PTPRH: variants seen among roughly 807,000 people sequenced by gnomAD.
PTPRH encodes receptor-type tyrosine-protein phosphatase H.
A neutral mutation model predicts 130.2 loss-of-function variants in PTPRH; 113 were observed. The ratio of observed to expected loss-of-function variants is 0.87; its 90% CI spans 0.75 to 1.01. The LOEUF (loss-of-function observed/expected upper bound fraction) is 1.01. Among genes scored for constraint, PTPRH ranks in the 50% least tolerant of loss-of-function variants. The pLI is 0.00. For synonymous variants in PTPRH, 556 were observed against 577.9 expected (o/e 0.96, Z 0.54); for missense variants, 1,430 against 1,425.0 (o/e 1.00, Z -0.06).
At position 55,185,582 on chromosome 19, in the gene PTPRH, G is replaced by T; in HGVS notation, c.2982C>A (p.Asp994Glu). The T allele has an allele frequency of 1.2e-6, 2 of 1,614,240 alleles. No individual in the cohort carries two copies. Among genetic ancestry groups the T allele is most frequent in the Non-Finnish European group, 1.7e-6 (2 of 1,180,036 alleles). ...WPDHGVPSSP[D>E]TLLAFWRMLR... is the part of the protein sequence containing the mutation. Reference sequence around the variant, plus strand: ...GCATCCTCCAGAAAGCCAGCAAGGTGTCTGGGGAGGAGGGAACGCCGTGAT... The same window carrying T: ...GCATCCTCCAGAAAGCCAGCAAGGTTTCTGGGGAGGAGGGAACGCCGTGAT... The change falls in exon 18 of 20, where the codon GAC (aspartate) becomes GAA (glutamate). Residue 994 changes from aspartate (D) to glutamate (E), a missense_variant. Asp to Glu is a conservative substitution (Grantham distance 45). Coordinates refer to ENST00000376350, the MANE Select transcript of PTPRH (RefSeq NM_002842.5).
chr19:55,185,445 G>A (rs758272235), intron 18 of PTPRH, 57 bp downstream of exon 18: 24 of 1,587,894 alleles, frequency 1.5e-5, no homozygotes, highest in Non-Finnish European at 2.1e-5. Flanking sequence ...TAACACAACT[G>A]TCTGAGCCCC....
rs200823688 is a variant in PTPRH at position 55,188,038 on chromosome 19, C to T, written c.2475+40G>A. On this transcript the variant is annotated intron_variant, in intron 13 of 19. Transcript: ENST00000376350. Reference sequence around the variant, plus strand: ...GGTGGGGGGTGGGGGTCTGGGCCACCGGAGGGAGACTGAGCTCAGCCCCTC... The same window carrying T: ...GGTGGGGGGTGGGGGTCTGGGCCACTGGAGGGAGACTGAGCTCAGCCCCTC... 1.4e-5 allele frequency: 21 copies of T among 1,551,602 alleles called. No individual in the cohort carries two copies. The East Asian group carries it at 2.7e-4, about 20-fold the overall frequency.
rs748912325 is a variant in PTPRH, at chr19:55,206,942, C to T, written c.99G>A (p.Gly33=). 7 of 1,598,712 alleles carry T rather than the reference C, an allele frequency of 4.4e-6. No individual in the cohort carries two copies. In the South Asian group the frequency reaches 7.8e-5, roughly 18 times the overall value. The change falls in exon 3 of 20, where the codon GGG becomes GGA. Residue 33 remains glycine, a synonymous_variant. Coordinates refer to ENST00000376350, the MANE Select transcript of PTPRH (RefSeq NM_002842.5). ...TGARAPAPNP[G]RNLTVETQTT... is the part of the protein sequence containing the mutation. ...TCTGAGTCTCCACTGTCAGGTTCCT[C>T]CCTGGGTTGGGGGCTGAGAATTGGG...
chr19:55,189,047 G>A (rs2086448782), intron 12 of PTPRH, among the ~76,000 whole-genome samples: 1 of 152,168 alleles, frequency 6.6e-6, no homozygotes, highest in African/African-American at 2.4e-5. Context: ...GTGCAGTGGT[G>A]TGATCTCAGC....
intron 12 of PTPRH, among the ~76,000 whole-genome samples, chr19:55,188,958 GC>G (rs2086446198): frequency 6.6e-6 from 1 of 152,114 alleles, no homozygotes; most frequent in African/African-American, 2.4e-5. Flanking sequence ...ACAGGGTTTG[GC>G]CCATTCCTGT....
At chr19:55,183,557 C>T (rs1399645518) in intron 18 of PTPRH, among the ~76,000 whole-genome samples, 2 of 151,940 alleles carry the variant, frequency 1.3e-5, no homozygotes, top group African/African-American at 2.4e-5. Context: ...AACCTCATCT[C>T]CACTAAAAAT....
intron 10 of PTPRH, among the ~76,000 whole-genome samples, chr19:55,193,370 G>A (rs1197900231): frequency 2.3e-5 from 3 of 130,344 alleles, no homozygotes; most frequent in Non-Finnish European, 4.9e-5. Context: ...GGTGGAGGCT[G>A]TGGTGGGCAT....
intron 10 of PTPRH, chr19:55,194,168 G>A: frequency 7.8e-7 from 1 of 1,288,794 alleles, no homozygotes; most frequent in East Asian, 5.6e-5. Context: ...GGTGTCTATG[G>A]GTGCTCTCAG....
chr19:55,187,343 T>G (rs1347835334), intron 14 of PTPRH, among the ~76,000 whole-genome samples, 170 bp downstream of exon 14: 1 of 28,128 alleles, frequency 3.6e-5, no homozygotes, highest in Non-Finnish European at 5.0e-5. Flanking sequence ...AGACTCCGTC[T>G]CAAAAAAAAA....
chr19:55,199,290 G>A (rs545731124), intron 7 of PTPRH, among the ~76,000 whole-genome samples: 58 of 150,662 alleles, frequency 3.8e-4, no homozygotes, highest in African/African-American at 1.4e-3. Context: ...CTGGGAGACA[G>A]AGCAGGACCG....
chr19:55,185,571 G>C lies in PTPRH; in HGVS notation c.2993C>G (p.Ala998Gly). 6.2e-7 allele frequency: 1 copy of C among 1,614,216 alleles called. No individual in the cohort carries two copies. Among genetic ancestry groups the C allele is most frequent in the East Asian group, 2.2e-5 (1 of 44,886 alleles). ...GVPSSPDTLL[A>G]FWRMLRQWLD... Reference sequence around the variant, plus strand: ...CCACTGCCGAAGCATCCTCCAGAAAGCCAGCAAGGTGTCTGGGGAGGAGGG... The same window carrying C: ...CCACTGCCGAAGCATCCTCCAGAAACCCAGCAAGGTGTCTGGGGAGGAGGG... Residue 998 changes from alanine to glycine, a missense_variant, in exon 18 of 20, where the codon GCT (alanine) becomes GGT (glycine). Coordinates refer to ENST00000376350, the MANE Select transcript of PTPRH (RefSeq NM_002842.5).
At chr19:55,190,111 C>T (rs1030407827) in intron 12 of PTPRH, among the ~76,000 whole-genome samples, 4 of 151,960 alleles carry the variant, frequency 2.6e-5, no homozygotes, top group Non-Finnish European at 4.4e-5. Flanking sequence ...TGGCTCACGC[C>T]GGTAATCCCA....
intron 18 of PTPRH, among the ~76,000 whole-genome samples, chr19:55,184,110 C>T (rs1305490815): frequency 4.0e-5 from 6 of 151,850 alleles, no homozygotes; most frequent in African/African-American, 1.2e-4. Context: ...CATGGAGAAA[C>T]CCCGTGTCTA....
intron 1 of PTPRH, 142 bp from the exon 2 acceptor site, chr19:55,207,341 GTCACGACCTCGACCGTC>G: frequency 1.2e-6 from 1 of 852,868 alleles, no homozygotes; most frequent in Non-Finnish European, 1.8e-6. Context: ...AGGCTGGGCT[GTCACGACCTCGACCGTC>G]TTTCCTGGGT....
At chr19:55,185,799 C>T in intron 17 of PTPRH, 63 bp downstream of exon 17, 1 of 1,611,880 alleles carries the variant, frequency 6.2e-7, no homozygotes, top group South Asian at 1.1e-5. Flanking sequence ...GTGGAGGGTC[C>T]TGGATGCATG....
Position 55,196,625 on chromosome 19 carries a change from C to T in PTPRH, c.2154G>A (p.Val718=), listed in dbSNP as rs142190698. The T allele has an allele frequency of 3.1e-6, 5 of 1,613,962 alleles. No homozygotes were observed. The highest frequency in any genetic ancestry group is 3.4e-6 in the Non-Finnish European group (4 of 1,180,026). ...AGGACCGAGCCGGCCCGAGACCCAA[C>T]ACAGACACAGCCTCCCCACATGAAG... ...DRSSCGEAVS[V]LGLGPARSYP... Residue 718 remains valine (V), a synonymous_variant, in exon 10 of 20, where the codon GTG becomes GTA. Transcript: ENST00000376350.
At position 55,192,751 on chromosome 19, in the gene PTPRH, C is replaced by G. The variant is rs370828292; in HGVS notation, c.2258-1010G>C. On this transcript the variant is annotated intron_variant, in intron 10 of 19. Transcript: ENST00000376350. ...TATTTTTAGTAGAGTTGGGGTTTCA[C>G]CGTGTTAGCCAGGGTGGTCCTGATC... 6.3e-4 allele frequency among the ~76,000 whole-genome samples: 95 copies of G among 151,640 alleles called. 2 individuals carry two copies. The South Asian group carries it at 0.016, about 26-fold the overall frequency.
intron 4 of PTPRH, among the ~76,000 whole-genome samples, chr19:55,205,097 A>T (rs1178791730): frequency 1.3e-5 from 2 of 151,878 alleles, no homozygotes; most frequent in African/African-American, 4.9e-5. Flanking sequence ...TGGTGCAGGA[A>T]GGTACATTCT....
chr19:55,207,312 G>T, intron 1 of PTPRH, 113 bp from the exon 2 acceptor site: 1 of 1,177,578 alleles, frequency 8.5e-7, no homozygotes, highest in Non-Finnish European at 1.2e-6. Flanking sequence ...CCCTTGCATG[G>T]GAAGGAGGGG....
Sources: gnomAD v4.1 joint callset for allele counts (sites outside exome capture counted in the v4.1 genomes callset) on GRCh38, gnomAD v4.1.1 for gene constraint, MANE v1.5 for transcripts, NCBI Gene and HGNC (gene_info 2026-07-23, HGNC 2026-07-21) for gene names.